The following GRID2 variants were observed in gnomAD, a reference collection of about 807,000 sequenced individuals.
GRID2 encodes the protein glutamate ionotropic receptor delta type subunit 2, also known as glutamate receptor ionotropic, delta-2.
In GRID2, 33 loss-of-function variants were observed where a neutral mutation model predicts 114.8. The observed-to-expected ratio is 0.29, with a 90% CI of 0.22 to 0.38. GRID2 has a LOEUF of 0.38. Ranked by LOEUF, GRID2 falls within the 10% of genes least tolerant of loss-of-function variation. The probability of loss-of-function intolerance (pLI) is 1.00; values close to 1 mark genes in which losing one functional copy is unlikely to be tolerated. For synonymous variants in GRID2, 505 were observed against 449.9 expected (o/e 1.12, Z -1.55); for missense variants, 1,184 against 1,257.7 (o/e 0.94, Z 0.89).
At chr4:93,297,689 ATGT>A (rs1432395661) in intron 8 of GRID2, among the ~76,000 whole-genome samples, 33 of 152,310 alleles carry the variant, frequency 2.2e-4, no homozygotes, top group Middle Eastern at 3.4e-3. Context: ...AAAGGGCCTA[ATGT>A]TGTGCCAGCT....
At chr4:92,992,320 G>T (rs1208259739) in intron 2 of GRID2, among the ~76,000 whole-genome samples, 2 of 152,060 alleles carry the variant, frequency 1.3e-5, no homozygotes, top group Non-Finnish European at 2.9e-5. Flanking sequence ...TTGTTTCATG[G>T]CAACTTCAGA....
intron 1 of GRID2, among the ~76,000 whole-genome samples, chr4:92,414,494 T>C (rs1251266400): frequency 1.3e-5 from 2 of 152,144 alleles, no homozygotes; most frequent in Non-Finnish European, 2.9e-5. Flanking sequence ...TTTCAGATGA[T>C]AGTCAAAGGG....
intron 2 of GRID2, among the ~76,000 whole-genome samples, chr4:92,697,732 G>A (rs1363881324): frequency 1.3e-5 from 2 of 152,038 alleles, no homozygotes; most frequent in Admixed American, 6.6e-5. Context: ...AAAATAATGC[G>A]AATTGTGAGT....
At chr4:93,667,513 A>G (rs936879704) in intron 14 of GRID2, among the ~76,000 whole-genome samples, 13 of 151,798 alleles carry the variant, frequency 8.6e-5, no homozygotes, top group Non-Finnish European at 1.9e-4. Context: ...AGTGTCATTG[A>G]TGGGCTTAAA....
At chr4:93,799,157 G>T (rs1379547225) in intron 1 of GRID2, among the ~76,000 whole-genome samples, 1 of 152,138 alleles carries the variant, frequency 6.6e-6, no homozygotes, top group East Asian at 1.9e-4. Context: ...CAGTATTATT[G>T]TGGCTAGAAA....
intron 2 of GRID2, among the ~76,000 whole-genome samples, chr4:92,826,670 G>A (rs1741727012): frequency 6.6e-6 from 1 of 152,026 alleles, no homozygotes; most frequent in Non-Finnish European, 1.5e-5. Flanking sequence ...CATTATTCTA[G>A]CTTTGAATGT....
At chr4:93,534,930 T>G (rs1731880951) in intron 13 of GRID2, among the ~76,000 whole-genome samples, 1 of 151,536 alleles carries the variant, frequency 6.6e-6, no homozygotes, top group Non-Finnish European at 1.5e-5. Flanking sequence ...TTAATCATAG[T>G]CACCATGCTG....
chr4:93,657,616 G>A (rs1723133173), intron 14 of GRID2, among the ~76,000 whole-genome samples: 1 of 151,960 alleles, frequency 6.6e-6, no homozygotes, highest in African/African-American at 2.4e-5. Flanking sequence ...GTGCACCAAA[G>A]GCTCAAGCGT....
chr4:92,920,635 G>A (rs1344822778), intron 2 of GRID2, among the ~76,000 whole-genome samples: 1 of 152,126 alleles, frequency 6.6e-6, no homozygotes, highest in Non-Finnish European at 1.5e-5. Flanking sequence ...ATGAAATTCT[G>A]GGTTGAAAAT....
intron 4 of GRID2, among the ~76,000 whole-genome samples, chr4:93,129,450 G>T (rs550754429): frequency 6.6e-6 from 1 of 151,704 alleles, no homozygotes; most frequent in Non-Finnish European, 1.5e-5. Flanking sequence ...TCCCCTTTCC[G>T]CAAGGATTCT....
chr4:93,017,383 T>G (rs1425753056), intron 2 of GRID2, among the ~76,000 whole-genome samples: 1 of 152,192 alleles, frequency 6.6e-6, no homozygotes, highest in African/African-American at 2.4e-5. Flanking sequence ...CTAACCTATA[T>G]TTAAGTATGA....
chr4:93,058,216 C>T lies in GRID2; in HGVS notation c.245-26779C>T, dbSNP rs1727445663. On this transcript the variant is annotated intron_variant, in intron 2 of 15. Transcript: ENST00000282020. ...AGCTAGATTTAACTTCATCTTTTCT[C>T]AAGCACTCTTAATACAGTGTGCATT... 3.3e-5 allele frequency among the ~76,000 whole-genome samples: 5 copies of T among 150,960 alleles called. No individual in the cohort carries two copies. The South Asian group carries it at 1.0e-3, about 32-fold the overall frequency.
chr4:93,700,867 A>C (rs779672791), intron 14 of GRID2, among the ~76,000 whole-genome samples: 7 of 152,094 alleles, frequency 4.6e-5, no homozygotes, highest in Non-Finnish European at 1.0e-4. Context: ...ATCTTTGAAC[A>C]ATTCCATATG....
chr4:93,461,822 C>T (rs1485020), intron 11 of GRID2, among the ~76,000 whole-genome samples: 1 of 152,126 alleles, frequency 6.6e-6, no homozygotes, highest in East Asian at 1.9e-4. Flanking sequence ...ATCTCCATGT[C>T]TACATACATC....
intron 1 of GRID2, among the ~76,000 whole-genome samples, chr4:92,443,807 C>A (rs991259549): frequency 6.6e-6 from 1 of 152,180 alleles, no homozygotes; most frequent in African/African-American, 2.4e-5. Flanking sequence ...GGTATGACAC[C>A]TTTGAAACGT....
At chr4:92,485,713 G>A (rs975102847) in intron 1 of GRID2, among the ~76,000 whole-genome samples, 2 of 151,540 alleles carry the variant, frequency 1.3e-5, no homozygotes, top group African/African-American at 4.9e-5. Context: ...AGAAAAATGA[G>A]AGAGAGAAAA....
chr4:92,780,437 CA>C (rs920749560), intron 2 of GRID2, among the ~76,000 whole-genome samples: 4 of 152,066 alleles, frequency 2.6e-5, no homozygotes, highest in African/African-American at 9.7e-5. Context: ...TTTGTTTTCT[CA>C]AAGTTATCTT....
At chr4:93,107,643 A>AT (rs1410327482) in intron 3 of GRID2, among the ~76,000 whole-genome samples, 1 of 151,738 alleles carries the variant, frequency 6.6e-6, no homozygotes, top group Admixed American at 6.6e-5. Flanking sequence ...GGTTCAAGCG[A>AT]TTTTCTTGCC....
chr4:93,143,640 A>T (rs1735950927), intron 4 of GRID2, among the ~76,000 whole-genome samples: 1 of 152,216 alleles, frequency 6.6e-6, no homozygotes, highest in Non-Finnish European at 1.5e-5. Flanking sequence ...TTCTTAATTT[A>T]TAAAAAAATC....
Sources: allele counts gnomAD v4.1 joint callset (sites outside exome capture counted in the v4.1 genomes callset), GRCh38; gene constraint gnomAD v4.1.1; transcripts MANE v1.5; gene names NCBI Gene and HGNC (gene_info 2026-07-23, HGNC 2026-07-21).